SLCO3A1: variants seen among roughly 807,000 people sequenced by gnomAD.
SLCO3A1 encodes the protein PGE1 transporter.
SLCO3A1 carries 27 observed loss-of-function variants against 63.1 expected under a neutral mutation model. That is an observed-to-expected ratio of 0.43 (90% CI 0.32 to 0.59). SLCO3A1 has a LOEUF of 0.59. Among genes scored for constraint, SLCO3A1 ranks in the 20% least tolerant of loss-of-function variants. The pLI, the probability that SLCO3A1 is intolerant of heterozygous loss-of-function variation, is 0.09. For missense variants in SLCO3A1, 773 were observed against 945.8 expected (o/e 0.82, Z 2.40); for synonymous variants, 473 against 409.9 (o/e 1.15, Z -1.86).
At chr15:91,940,257 G>T (rs941283845) in intron 2 of SLCO3A1, among the ~76,000 whole-genome samples, 1 of 152,054 alleles carries the variant, frequency 6.6e-6, no homozygotes, top group African/African-American at 2.4e-5. Flanking sequence ...GCCTTCCTCG[G>T]GGTCCTGATA....
intron 2 of SLCO3A1, among the ~76,000 whole-genome samples, chr15:92,037,079 C>A (rs2151484392): frequency 6.6e-6 from 1 of 152,278 alleles, no homozygotes; most frequent in South Asian, 2.1e-4. Flanking sequence ...GAGCAATATG[C>A]AATACGGTAG....
rs1181930027 is a variant in SLCO3A1, at chr15:91,860,541, G to A, written c.180+6453G>A. On this transcript the variant is annotated intron_variant, in intron 1 of 9. Coordinates refer to ENST00000318445, the MANE Select transcript of SLCO3A1 (RefSeq NM_013272.4). This position sits in a 1 kb window ranked among gnomAD's most constrained non-coding sequence, Gnocchi z 5.5. ...GTCCCTCCCAGGGAGCTGAGGATTT[G>A]GAATATTGTGTGAGGCCAAGGCTTC... Among the ~76,000 whole-genome samples the A allele has an allele frequency of 6.6e-6, 1 of 152,216 alleles. No homozygotes were observed. Among genetic ancestry groups the A allele is most frequent in the Non-Finnish European group, 1.5e-5 (1 of 68,034 alleles).
intron 2 of SLCO3A1, among the ~76,000 whole-genome samples, chr15:91,960,348 A>AAT (rs1900398847): frequency 6.6e-6 from 1 of 152,186 alleles, no homozygotes; most frequent in Non-Finnish European, 1.5e-5. Context: ...TCCATGTTGT[A>AAT]ATGGGTATGG....
chr15:92,141,141 A>T (rs1414883935), intron 7 of SLCO3A1, among the ~76,000 whole-genome samples: 2 of 152,070 alleles, frequency 1.3e-5, no homozygotes, highest in Admixed American at 1.3e-4. Context: ...GTAAAGCTAG[A>T]TCCCGCCACC....
rs532221828 is a variant in SLCO3A1 at position 91,973,948 on chromosome 15, T to A, written c.646+57490T>A. Among the ~76,000 whole-genome samples, 11 of 152,328 alleles carry A rather than the reference T, an allele frequency of 7.2e-5. No individual in the cohort carries two copies. The South Asian group carries it at 2.3e-3, about 32-fold the overall frequency. On this transcript the variant is annotated intron_variant, in intron 2 of 9. Transcript: ENST00000318445. Reference sequence around the variant, plus strand: ...ATGTGCCATCATTCCTGGCTCAAAATTCACTTTTCTTTCTACATTTTCTAT... The same window carrying A: ...ATGTGCCATCATTCCTGGCTCAAAAATCACTTTTCTTTCTACATTTTCTAT...
At chr15:91,898,159 C>T (rs529935596) in intron 1 of SLCO3A1, among the ~76,000 whole-genome samples, 2 of 152,142 alleles carry the variant, frequency 1.3e-5, no homozygotes, top group East Asian at 1.9e-4. Context: ...AGAACAGAGC[C>T]GTGTGCCTGT....
intron 7 of SLCO3A1, among the ~76,000 whole-genome samples, chr15:92,143,626 CGGG>C (rs1244821447): frequency 7.1e-6 from 1 of 141,350 alleles, no homozygotes; most frequent in Non-Finnish European, 1.5e-5. Context: ...GGTATGTGAG[CGGG>C]GGATTCAGAA....
At chr15:91,931,026 T>C (rs888832118) in intron 2 of SLCO3A1, among the ~76,000 whole-genome samples, 9 of 152,250 alleles carry the variant, frequency 5.9e-5, no homozygotes, top group African/African-American at 2.2e-4. Context: ...AACACCAGGC[T>C]GATACATATG....
At chr15:92,053,977 C>T (rs2046992335) in intron 2 of SLCO3A1, among the ~76,000 whole-genome samples, 1 of 152,142 alleles carries the variant, frequency 6.6e-6, no homozygotes, top group Admixed American at 6.6e-5. Flanking sequence ...GGCACATCTA[C>T]ATAAATTATT....
At chr15:92,153,003 G>A (rs1419462598) in intron 9 of SLCO3A1, among the ~76,000 whole-genome samples, 3 of 152,192 alleles carry the variant, frequency 2.0e-5, no homozygotes, top group African/African-American at 7.2e-5. Context: ...AAAAGTTAAT[G>A]AAAATTGTAG....
At chr15:91,932,039 T>C (rs939041692) in intron 2 of SLCO3A1, among the ~76,000 whole-genome samples, 5 of 152,158 alleles carry the variant, frequency 3.3e-5, no homozygotes, top group Non-Finnish European at 7.4e-5. Context: ...GGTAGGAAGC[T>C]CCATTGAGAG....
intron 1 of SLCO3A1, among the ~76,000 whole-genome samples, chr15:91,858,212 CAGAG>C (rs981712573): frequency 2.0e-5 from 3 of 151,984 alleles, no homozygotes; most frequent in African/African-American, 4.8e-5. Flanking sequence ...ACATTTTCAA[CAGAG>C]AGAGACATTT....
intron 3 of SLCO3A1, 51 bp from the exon 4 acceptor site, chr15:92,104,228 C>A: frequency 4.4e-6 from 7 of 1,594,266 alleles, no homozygotes; most frequent in Non-Finnish European, 6.0e-6. Context: ...GCAAAATCCC[C>A]AGTGGTCCAG....
intron 2 of SLCO3A1, among the ~76,000 whole-genome samples, chr15:91,981,071 A>C (rs77263510): frequency 0.06 from 9,100 of 152,262 alleles, 400 homozygotes; most frequent in Non-Finnish European, 0.091. Flanking sequence ...GGCATGAGCA[A>C]GTTGCCTCCC....
chr15:91,947,690 G>T (rs1899856255), intron 2 of SLCO3A1, among the ~76,000 whole-genome samples: 1 of 152,178 alleles, frequency 6.6e-6, no homozygotes, highest in East Asian at 1.9e-4. Context: ...TCTGGATCTA[G>T]GCTTCTCCTG....
At chr15:91,994,073 C>G (rs1376383287) in intron 2 of SLCO3A1, among the ~76,000 whole-genome samples, 1 of 152,210 alleles carries the variant, frequency 6.6e-6, no homozygotes, top group Non-Finnish European at 1.5e-5. Context: ...CACTTAAATT[C>G]CTGACCTATA....
intron 2 of SLCO3A1, among the ~76,000 whole-genome samples, chr15:91,919,027 G>A (rs989470556): frequency 1.1e-4 from 16 of 152,358 alleles, no homozygotes; most frequent in African/African-American, 3.8e-4. Flanking sequence ...TTCTTGAGCT[G>A]AGCCTTCCCT....
intron 4 of SLCO3A1, among the ~76,000 whole-genome samples, chr15:92,108,892 T>C (rs865864864): frequency 6.6e-6 from 1 of 152,036 alleles, no homozygotes; most frequent in Admixed American, 6.5e-5. Flanking sequence ...TCCTCTGAGT[T>C]CCACAGAATC....
chr15:92,059,007 G>T (rs2047054551), intron 2 of SLCO3A1, among the ~76,000 whole-genome samples: 1 of 152,122 alleles, frequency 6.6e-6, no homozygotes, highest in Non-Finnish European at 1.5e-5. Flanking sequence ...ATTTCCAAAT[G>T]CATCGCACTC....
Sources: allele counts gnomAD v4.1 joint callset (sites outside exome capture counted in the v4.1 genomes callset), GRCh38; gene constraint gnomAD v4.1.1; non-coding constraint Gnocchi (gnomAD v3.1); transcripts MANE v1.5; gene names NCBI Gene and HGNC (gene_info 2026-07-23, HGNC 2026-07-21).